ARB2A: variants seen among roughly 807,000 people sequenced by gnomAD.
The protein encoded by ARB2A is ARB2 cotranscriptional regulator A.
chr5:94,046,425 G>T, the ARB2A span, among the ~76,000 whole-genome samples: 13 of 152,154 alleles, frequency 8.5e-5, no homozygotes, highest in East Asian at 2.5e-3. Flanking sequence ...CTCTCACTCT[G>T]GGACAGGGAG....
At chr5:93,737,529 C>CAT in the ARB2A span, 46 of 151,412 alleles carry the variant, frequency 3.0e-4, no homozygotes, top group South Asian at 8.2e-4. Context: ...ATATACGTGC[C>CAT]ATATATATAT....
At chr5:93,941,830 T>C in the ARB2A span, among the ~76,000 whole-genome samples, 1 of 152,118 alleles carries the variant, frequency 6.6e-6, no homozygotes, top group African/African-American at 2.4e-5. Flanking sequence ...TAAGAGACCT[T>C]GTAATATTTT....
the ARB2A span, among the ~76,000 whole-genome samples, chr5:93,718,701 C>T: frequency 1.3e-5 from 2 of 152,288 alleles, no homozygotes; most frequent in South Asian, 2.1e-4. Context: ...ACAACAACAA[C>T]AACAACGTCT....
the ARB2A span, among the ~76,000 whole-genome samples, chr5:93,859,156 T>C: frequency 6.6e-6 from 1 of 152,148 alleles, no homozygotes; most frequent in African/African-American, 2.4e-5. Context: ...AAAGAATGTA[T>C]TATTTTAAAA....
At chr5:94,097,380 T>A in the ARB2A span, among the ~76,000 whole-genome samples, 1 of 152,196 alleles carries the variant, frequency 6.6e-6, no homozygotes. Context: ...CTTCTGCAGA[T>A]GGGCTCTGAT....
chr5:93,664,980 C>A, the ARB2A span, among the ~76,000 whole-genome samples: 1 of 152,120 alleles, frequency 6.6e-6, no homozygotes, highest in Non-Finnish European at 1.5e-5. Context: ...GCATGCACTA[C>A]CATGCCTGGC....
the ARB2A span, among the ~76,000 whole-genome samples, chr5:94,022,851 T>C: frequency 1.1e-4 from 16 of 152,322 alleles, no homozygotes; most frequent in African/African-American, 3.6e-4. Context: ...TTCACAAGTG[T>C]ACACTCAGTC....
chr5:94,001,779 G>GT, the ARB2A span, among the ~76,000 whole-genome samples: 1 of 151,826 alleles, frequency 6.6e-6, no homozygotes, highest in Admixed American at 6.6e-5. Flanking sequence ...TCTCAGTCTG[G>GT]TAATTCTAAC....
chr5:93,795,454 T>C, the ARB2A span, among the ~76,000 whole-genome samples: 1 of 152,142 alleles, frequency 6.6e-6, no homozygotes, highest in Non-Finnish European at 1.5e-5. Flanking sequence ...ATCCAGTTCC[T>C]TCAGAGGGTC....
At chr5:93,980,688 C>T in the ARB2A span, among the ~76,000 whole-genome samples, 1 of 152,032 alleles carries the variant, frequency 6.6e-6, no homozygotes, top group African/African-American at 2.4e-5. Context: ...TTCTAGTAGA[C>T]CAACTCTCCC....
chr5:93,878,983 T>C, the ARB2A span, among the ~76,000 whole-genome samples: 3 of 152,108 alleles, frequency 2.0e-5, no homozygotes, highest in Non-Finnish European at 4.4e-5. Flanking sequence ...GACAAAATGA[T>C]GTGATTCATC....
chr5:93,947,765 T>C, the ARB2A span, among the ~76,000 whole-genome samples: 2 of 146,764 alleles, frequency 1.4e-5, no homozygotes, highest in Non-Finnish European at 3.0e-5. Context: ...GAATATGCAG[T>C]GTTTGGTTTT....
the ARB2A span, among the ~76,000 whole-genome samples, chr5:93,925,722 C>T: frequency 4.1e-3 from 624 of 152,224 alleles, 4 homozygotes; most frequent in Non-Finnish European, 6.8e-3. Flanking sequence ...ACTTATCCCC[C>T]TTATCCATGG....
chr5:93,919,460 A>G, the ARB2A span, among the ~76,000 whole-genome samples: 1 of 152,172 alleles, frequency 6.6e-6, no homozygotes, highest in Admixed American at 6.6e-5. Flanking sequence ...AAGTGGTAAT[A>G]TAAGTTTTAT....
the ARB2A span, among the ~76,000 whole-genome samples, chr5:93,808,556 T>C: frequency 2.0e-5 from 3 of 152,032 alleles, no homozygotes; most frequent in African/African-American, 7.2e-5. Context: ...TAGTGTTTAA[T>C]GTATTGATAC....
At chr5:93,928,239 G>A in the ARB2A span, among the ~76,000 whole-genome samples, 9 of 152,082 alleles carry the variant, frequency 5.9e-5, no homozygotes, top group African/African-American at 1.7e-4. Flanking sequence ...AGAAAGAACC[G>A]AGGCAGTTTT....
chr5:94,085,767 A>C, the ARB2A span, among the ~76,000 whole-genome samples: 1 of 152,216 alleles, frequency 6.6e-6, no homozygotes, highest in African/African-American at 2.4e-5. Context: ...ATACTGTAGT[A>C]CATTAACAGG....
the ARB2A span, among the ~76,000 whole-genome samples, chr5:94,099,013 G>A: frequency 6.6e-6 from 1 of 152,134 alleles, no homozygotes; most frequent in Admixed American, 6.5e-5. Context: ...AAAAGCCCAG[G>A]ACCTGATGGA....
chr5:93,726,101 T>C, the ARB2A span, among the ~76,000 whole-genome samples: 5 of 152,132 alleles, frequency 3.3e-5, no homozygotes, highest in African/African-American at 4.8e-5. Flanking sequence ...TCAGTTCTAG[T>C]GTTTATAATA....
Sources: gnomAD v4.1 joint callset for allele counts (sites outside exome capture counted in the v4.1 genomes callset) on GRCh38, gnomAD v4.1.1 for gene constraint, MANE v1.5 for transcripts, NCBI Gene and HGNC (gene_info 2026-07-23, HGNC 2026-07-21) for gene names.